The following KCNN2 variants were observed in gnomAD, a reference collection of about 807,000 sequenced individuals.
KCNN2 encodes the protein small conductance calcium-activated potassium channel protein 2.
In KCNN2, 24 loss-of-function variants were observed where a neutral mutation model predicts 55.5. The observed-to-expected ratio is 0.43, with a 90% CI of 0.31 to 0.61. KCNN2 has a LOEUF of 0.61. Among genes scored for constraint, KCNN2 ranks in the 20% least tolerant of loss-of-function variants. The pLI is 0.08. For synonymous variants in KCNN2, 431 were observed against 336.1 expected (o/e 1.28, Z -3.09); for missense variants, 754 against 853.6 (o/e 0.88, Z 1.45).
chr5:114,103,718 G>T (rs1751420718), intron 1 of KCNN2, among the ~76,000 whole-genome samples: 1 of 151,420 alleles, frequency 6.6e-6, no homozygotes. Flanking sequence ...TTTATGTGAT[G>T]GATTACGTTT....
At chr5:114,459,233 T>C (rs959140530) in intron 3 of KCNN2, among the ~76,000 whole-genome samples, 2 of 152,226 alleles carry the variant, frequency 1.3e-5, no homozygotes, top group African/African-American at 4.8e-5. Context: ...AGTCCTCATT[T>C]TAAAAGCTTG....
chr5:114,103,593 C>T (rs866300561), intron 1 of KCNN2, among the ~76,000 whole-genome samples: 14 of 151,980 alleles, frequency 9.2e-5, no homozygotes, highest in Admixed American at 2.0e-4. Flanking sequence ...TTTTGAGGTA[C>T]ATTTTATCAA....
At chr5:114,292,234 G>A (rs1013704596) in intron 2 of KCNN2, among the ~76,000 whole-genome samples, 3 of 152,210 alleles carry the variant, frequency 2.0e-5, no homozygotes, top group African/African-American at 7.2e-5. Context: ...CGTTGCCTTT[G>A]CTTTTCGTGT....
chr5:114,480,813 A>T (rs906649894), intron 5 of KCNN2, among the ~76,000 whole-genome samples: 7 of 152,204 alleles, frequency 4.6e-5, no homozygotes, highest in African/African-American at 1.7e-4. Flanking sequence ...AAAAAATTCA[A>T]CATCCCTGCA....
chr5:114,273,945 T>C (rs1343506885), intron 2 of KCNN2, among the ~76,000 whole-genome samples: 2 of 152,234 alleles, frequency 1.3e-5, no homozygotes, highest in African/African-American at 4.8e-5. Flanking sequence ...CTGAATGGTA[T>C]TGCCCAGGTT....
chr5:114,425,465 G>T (rs1759592686), intron 3 of KCNN2, among the ~76,000 whole-genome samples: 1 of 152,052 alleles, frequency 6.6e-6, no homozygotes, highest in Admixed American at 6.6e-5. Context: ...TAGTTTACAT[G>T]GTCCATAGTG....
chr5:114,367,019 T>C (rs966497592), intron 2 of KCNN2, among the ~76,000 whole-genome samples: 1 of 152,218 alleles, frequency 6.6e-6, no homozygotes, highest in Non-Finnish European at 1.5e-5. Flanking sequence ...GTAAGTGTTA[T>C]AGCTGACTTT....
intron 2 of KCNN2, among the ~76,000 whole-genome samples, chr5:114,285,008 C>T (rs1019679118): frequency 2.5e-4 from 38 of 151,474 alleles, no homozygotes; most frequent in African/African-American, 8.7e-4. Context: ...GCAGGCTGGG[C>T]GCGGTGGCTC....
intron 2 of KCNN2, among the ~76,000 whole-genome samples, chr5:114,354,647 C>G (rs952641827): frequency 6.6e-6 from 1 of 152,010 alleles, no homozygotes; most frequent in Non-Finnish European, 1.5e-5. Context: ...GTTATATGAG[C>G]TAGGAAGTAC....
chr5:114,065,600 C>A (rs977640946), intron 1 of KCNN2, among the ~76,000 whole-genome samples: 1 of 152,144 alleles, frequency 6.6e-6, no homozygotes, highest in Non-Finnish European at 1.5e-5. Flanking sequence ...TTAGTCTTGA[C>A]TGGTCTTTTC....
intron 2 of KCNN2, among the ~76,000 whole-genome samples, chr5:114,309,631 G>C (rs1012916771): frequency 1.3e-5 from 2 of 152,190 alleles, no homozygotes; most frequent in African/African-American, 4.8e-5. Context: ...TTGTCAGAGA[G>C]ACCCACTGGG....
At chr5:114,468,218 C>A (rs551659858) in intron 4 of KCNN2, among the ~76,000 whole-genome samples, 2 of 152,178 alleles carry the variant, frequency 1.3e-5, no homozygotes, top group Middle Eastern at 3.4e-3. Flanking sequence ...CCTGAGGAAA[C>A]CTTGTAAAAC....
intron 1 of KCNN2, among the ~76,000 whole-genome samples, chr5:114,105,255 TC>T (rs1279564613): frequency 6.6e-6 from 1 of 152,008 alleles, no homozygotes; most frequent in Non-Finnish European, 1.5e-5. Context: ...GTTGTTGAGA[TC>T]CCCATCAATA....
chr5:114,260,456 A>G (rs1419428704), intron 2 of KCNN2, among the ~76,000 whole-genome samples: 4 of 152,184 alleles, frequency 2.6e-5, no homozygotes. Flanking sequence ...ATCAGGTCCA[A>G]GTCAGTATCT....
intron 1 of KCNN2, among the ~76,000 whole-genome samples, chr5:114,119,019 G>C (rs965707623): frequency 8.5e-5 from 13 of 152,262 alleles, no homozygotes; most frequent in African/African-American, 3.1e-4. Context: ...CATGGGGGTG[G>C]ATATAACAAG....
intron 1 of KCNN2, among the ~76,000 whole-genome samples, chr5:114,101,912 A>C (rs1048575422): frequency 1.3e-5 from 2 of 152,170 alleles, no homozygotes; most frequent in African/African-American, 2.4e-5. Flanking sequence ...ATGTGTCTTT[A>C]TAGTAGAATG....
At chr5:114,064,709 C>T (rs563581658) in intron 1 of KCNN2, among the ~76,000 whole-genome samples, 5 of 152,250 alleles carry the variant, frequency 3.3e-5, no homozygotes, top group African/African-American at 1.2e-4. Context: ...CTTGCACTTC[C>T]TGGGGTAATA....
At chr5:114,105,004 T>G (rs988702034) in intron 1 of KCNN2, among the ~76,000 whole-genome samples, 1 of 152,098 alleles carries the variant, frequency 6.6e-6, no homozygotes, top group Non-Finnish European at 1.5e-5. Flanking sequence ...CTATTCTGTC[T>G]TCTCTTCTGA....
intron 1 of KCNN2, among the ~76,000 whole-genome samples, chr5:114,102,194 C>CT (rs1041855524): frequency 6.6e-6 from 1 of 151,830 alleles, no homozygotes; most frequent in Non-Finnish European, 1.5e-5. Context: ...TGATGATGAG[C>CT]TTTTTTTCAT....
Sources: allele counts gnomAD v4.1 joint callset (sites outside exome capture counted in the v4.1 genomes callset), GRCh38; gene constraint gnomAD v4.1.1; transcripts MANE v1.5; gene names NCBI Gene and HGNC (gene_info 2026-07-23, HGNC 2026-07-21).